TENM4: variants seen among roughly 807,000 people sequenced by gnomAD.
TENM4 encodes teneurin transmembrane protein 4, also known as teneurin-4.
In TENM4, 82 loss-of-function variants were observed where a neutral mutation model predicts 243.3. That is an observed-to-expected ratio of 0.34 (90% CI 0.28 to 0.40). The LOEUF (loss-of-function observed/expected upper bound fraction) is 0.40. TENM4 is among the 10% of genes least tolerant of loss of function. TENM4 has a pLI of 1.00. For synonymous variants in TENM4, 1,412 were observed against 1,456.3 expected (o/e 0.97, Z 0.69); for missense variants, 3,138 against 3,673.3 (o/e 0.85, Z 3.77).
At chr11:79,216,166 T>G (rs1181024715) in intron 2 of TENM4, among the ~76,000 whole-genome samples, 1 of 152,218 alleles carries the variant, frequency 6.6e-6, no homozygotes, top group Non-Finnish European at 1.5e-5. Flanking sequence ...TCTTGTGCTA[T>G]GGGAGTAATG....
chr11:78,938,101 T>C (rs1565134696), intron 6 of TENM4, among the ~76,000 whole-genome samples: 1 of 152,220 alleles, frequency 6.6e-6, no homozygotes, highest in Non-Finnish European at 1.5e-5. Flanking sequence ...TGTTTGGGTC[T>C]TAATCAAAAA....
chr11:79,319,498 T>G (rs1044617250), intron 1 of TENM4, among the ~76,000 whole-genome samples: 1 of 152,088 alleles, frequency 6.6e-6, no homozygotes, highest in African/African-American at 2.4e-5. Flanking sequence ...TAGATTCATA[T>G]AAAATCACCA....
chr11:78,969,142 C>G lies in TENM4; in HGVS notation c.494-65619G>C, dbSNP rs150950383. Among the ~76,000 whole-genome samples, 463 of 152,326 alleles carry G rather than the reference C, an allele frequency of 3.0e-3. 2 individuals carry two copies. The highest frequency in any genetic ancestry group is 5.1e-3 in the Admixed American group (78 of 15,304). On this transcript the variant is annotated intron_variant, in intron 6 of 33. Transcript: ENST00000278550. ...GCTCAGCCAATATTGATTTCGTCTGCCATCTCTCCAGCTGTAGGTCTGTCA... is the reference window on the plus strand; with the variant it reads ...GCTCAGCCAATATTGATTTCGTCTGGCATCTCTCCAGCTGTAGGTCTGTCA...
At chr11:78,815,941 T>C (rs1416176304) in intron 12 of TENM4, among the ~76,000 whole-genome samples, 1 of 152,160 alleles carries the variant, frequency 6.6e-6, no homozygotes, top group African/African-American at 2.4e-5. Flanking sequence ...GCTATCTGGA[T>C]CTTGAAGGAA....
At chr11:78,784,885 C>T (rs1785822) in intron 16 of TENM4, among the ~76,000 whole-genome samples, 84,561 of 151,030 alleles carry the variant, frequency 0.56, 26,288 homozygotes, top group Non-Finnish European at 0.71. Flanking sequence ...TCATGTGTGA[C>T]TAGACGAAGG....
intron 4 of TENM4, among the ~76,000 whole-genome samples, chr11:79,131,084 AC>A (rs1482112924): frequency 6.6e-6 from 1 of 152,148 alleles, no homozygotes; most frequent in East Asian, 1.9e-4. Flanking sequence ...AGAAAAGAAA[AC>A]TAAAAGCTTG....
At chr11:79,351,553 A>T (rs1229014726) in intron 1 of TENM4, among the ~76,000 whole-genome samples, 1 of 152,036 alleles carries the variant, frequency 6.6e-6, no homozygotes, top group Non-Finnish European at 1.5e-5. Flanking sequence ...TAAAAATACA[A>T]AAATTAGCCA....
chr11:79,152,454 A>G (rs992487003), intron 3 of TENM4, among the ~76,000 whole-genome samples: 3 of 152,234 alleles, frequency 2.0e-5, no homozygotes, highest in Admixed American at 1.3e-4. Context: ...TGAAGCCTCT[A>G]GGAAACTGAG....
rs534612200 is a variant in TENM4 at position 79,311,171 on chromosome 11, C to T, written c.-320-13628G>A. Among the ~76,000 whole-genome samples, 46 of 152,276 alleles carry T rather than the reference C, an allele frequency of 3.0e-4. No individual in the cohort carries two copies. The Middle Eastern group carries it at 0.01, about 34-fold the overall frequency. Reference sequence around the variant, plus strand: ...ACATAGGGCATTTCTAGCTTCTGACCGGACAAAATCCTGCATCCAACAATA... The same window carrying T: ...ACATAGGGCATTTCTAGCTTCTGACTGGACAAAATCCTGCATCCAACAATA... On this transcript the variant is annotated intron_variant, in intron 1 of 33. Transcript: ENST00000278550.
chr11:79,047,902 A>C (rs1261961439), intron 6 of TENM4, among the ~76,000 whole-genome samples: 1 of 151,562 alleles, frequency 6.6e-6, no homozygotes, highest in Non-Finnish European at 1.5e-5. Context: ...AATAAGTACT[A>C]AATGATAATT....
intron 19 of TENM4, among the ~76,000 whole-genome samples, chr11:78,746,117 T>C (rs1856046135): frequency 6.6e-6 from 1 of 152,154 alleles, no homozygotes; most frequent in African/African-American, 2.4e-5. Context: ...TCCTTCAGAT[T>C]GACAGGAGGG....
At position 78,958,525 on chromosome 11, in the gene TENM4, C is replaced by A. The variant is rs1186509234; in HGVS notation, c.494-55002G>T. On this transcript the variant is annotated intron_variant, in intron 6 of 33. Transcript: ENST00000278550. ...AGGATTTTGATAAGAGAAAAAGCTA[C>A]TTCCCCTGTTTTCTTCTCCACAGGG... is the stretch of plus-strand genomic sequence containing the variant. Among the ~76,000 whole-genome samples, 5 of 152,220 alleles carry A rather than the reference C, an allele frequency of 3.3e-5. No homozygotes were observed. The East Asian group carries it at 9.6e-4, about 29-fold the overall frequency.
intron 1 of TENM4, among the ~76,000 whole-genome samples, chr11:79,330,326 T>A (rs2135443328): frequency 6.6e-6 from 1 of 152,272 alleles, no homozygotes; most frequent in African/African-American, 2.4e-5. Flanking sequence ...GGACTGGGAC[T>A]TGAGTGATGC....
chr11:78,700,477 C>T (rs1210407977), intron 28 of TENM4, among the ~76,000 whole-genome samples: 5 of 152,210 alleles, frequency 3.3e-5, no homozygotes, highest in Admixed American at 6.5e-5. Flanking sequence ...TCCTTCCCCA[C>T]CTCTCACATG....
intron 2 of TENM4, among the ~76,000 whole-genome samples, chr11:79,272,021 C>T (rs1353808198): frequency 6.6e-6 from 1 of 152,172 alleles, no homozygotes; most frequent in Non-Finnish European, 1.5e-5. Flanking sequence ...GTGATGTCTG[C>T]TTCCATTTTC....
At chr11:78,677,678 CAT>C (rs779623499) in intron 29 of TENM4, among the ~76,000 whole-genome samples, 71 of 151,444 alleles carry the variant, frequency 4.7e-4, no homozygotes, top group Admixed American at 7.9e-4. Context: ...TAAATATAAA[CAT>C]ATTTTAAATC....
intron 3 of TENM4, among the ~76,000 whole-genome samples, chr11:79,203,574 G>T (rs1301764426): frequency 1.3e-5 from 2 of 152,134 alleles, no homozygotes; most frequent in African/African-American, 4.8e-5. Flanking sequence ...CACAATCAGA[G>T]ATTAGCAATA....
In TENM4 at chr11:78,786,992, C is replaced by T. The variant is rs372735943; in HGVS notation, c.2271G>A (p.Gln757=). 414 of 1,576,098 alleles carry T rather than the reference C, an allele frequency of 2.6e-4. No individual in the cohort carries two copies. The highest frequency in any genetic ancestry group is 2.1e-4 in the Non-Finnish European group (244 of 1,160,994). Reference sequence around the variant, plus strand: ...CGGCACAGCGCGGGTGGCAGGCCCGCTGGTCGCAGGCTGCCCCCATCCAGC... The same window carrying T: ...CGGCACAGCGCGGGTGGCAGGCCCGTTGGTCGCAGGCTGCCCCCATCCAGC... ...EDGWMGAACD[Q]RACHPRCAEH... The change falls in exon 16 of 34, where the codon CAG becomes CAA. Residue 757 remains glutamine, a synonymous_variant. Transcript: ENST00000278550.
intron 3 of TENM4, among the ~76,000 whole-genome samples, chr11:79,185,639 A>G (rs1863367891): frequency 6.6e-6 from 1 of 152,132 alleles, no homozygotes; most frequent in African/African-American, 2.4e-5. Flanking sequence ...TAACTTTCAC[A>G]TTGCTTGGAC....
Sources: gnomAD v4.1 joint callset for allele counts (sites outside exome capture counted in the v4.1 genomes callset) on GRCh38, gnomAD v4.1.1 for gene constraint, MANE v1.5 for transcripts, NCBI Gene and HGNC (gene_info 2026-07-23, HGNC 2026-07-21) for gene names.